Variants in SLC6A6 observed in about 807,000 individuals in gnomAD.
The protein encoded by SLC6A6 is solute carrier family 6 member 6.
A neutral mutation model predicts 68.8 loss-of-function variants in SLC6A6; 16 were observed. The ratio of observed to expected loss-of-function variants is 0.23; its 90% CI spans 0.16 to 0.35. The LOEUF is 0.35. SLC6A6 is among the 10% of genes least tolerant of loss of function. The probability of loss-of-function intolerance (pLI) is 1.00; values close to 1 mark genes in which losing one functional copy is unlikely to be tolerated. For missense variants in SLC6A6, 474 were observed against 802.8 expected, an observed-to-expected ratio of 0.59 and a Z score of 4.95; for synonymous variants, 312 against 315.4, an observed-to-expected ratio of 0.99 and a Z score of 0.12.
At chr3:14,456,406 T>C (rs1436740226) in intron 5 of SLC6A6, among the ~76,000 whole-genome samples, 3 of 152,204 alleles carry the variant, frequency 2.0e-5, no homozygotes, top group Admixed American at 2.0e-4. Context: ...ATTCATTCAC[T>C]CATTCACTCA....
intron 1 of SLC6A6, among the ~76,000 whole-genome samples, chr3:14,403,913 C>T (rs941234801): frequency 2.0e-5 from 3 of 152,234 alleles, no homozygotes; most frequent in Admixed American, 1.3e-4. Context: ...GTAGGGCCAC[C>T]GGCCTGGCTA....
chr3:14,467,031 G>T (rs1169398476), intron 7 of SLC6A6, among the ~76,000 whole-genome samples: 4 of 152,206 alleles, frequency 2.6e-5, no homozygotes, highest in Non-Finnish European at 5.9e-5. Context: ...TCGGGGCCTG[G>T]AGAGCTGCGG....
chr3:14,425,613 AT>A (rs1699577778), intron 2 of SLC6A6, among the ~76,000 whole-genome samples: 1 of 145,420 alleles, frequency 6.9e-6, no homozygotes, highest in Admixed American at 7.0e-5. Context: ...CAGGCTGTAC[AT>A]GGGAGAATAA....
chr3:14,455,671 CCT>C (rs529766144), intron 5 of SLC6A6, among the ~76,000 whole-genome samples: 243 of 152,334 alleles, frequency 1.6e-3, no homozygotes, highest in African/African-American at 5.5e-3. Flanking sequence ...TGCTCTTCCT[CCT>C]CTCCTGGTGC....
At position 14,463,860 on chromosome 3, in the gene SLC6A6, G is replaced by A. The variant is rs114809155; in HGVS notation, c.733-2656G>A. Among the ~76,000 whole-genome samples the A allele has an allele frequency of 8.2e-3, 1,251 of 152,302 alleles. 6 individuals are homozygous for A. The highest frequency in any genetic ancestry group is 0.044 in the Middle Eastern group (13 of 294). ...CAGTAGGGCCCAGCCTGTCAGTGTC[G>A]GAGAGCCATCCTGACAGTGCCGGCC... On this transcript the variant is annotated intron_variant, in intron 6 of 14. Coordinates refer to ENST00000622186, the MANE Select transcript of SLC6A6 (RefSeq NM_003043.6).
At chr3:14,458,828 G>T (rs1410144699) in intron 6 of SLC6A6, among the ~76,000 whole-genome samples, 1 of 152,256 alleles carries the variant, frequency 6.6e-6, no homozygotes, top group African/African-American at 2.4e-5. Context: ...ATTCATAACT[G>T]GAGTGTTTGC....
Position 14,472,417 on chromosome 3 carries a change from C to A in SLC6A6, c.1209+100C>A, listed in dbSNP as rs2289127. 3 of 736,342 alleles carry A rather than the reference C, an allele frequency of 4.1e-6. No homozygotes were observed. In the Admixed American group the frequency reaches 6.1e-5, roughly 15 times the overall value. 45.6% of individuals were successfully genotyped at this position (736,342 alleles called of 1,614,324 possible). Reference sequence around the variant, plus strand: ...CTGGGAGGTGGTCAACCCCCTTCCCCCCTCCAGTCAGACTTCCAGTGCTTC... The same window carrying A: ...CTGGGAGGTGGTCAACCCCCTTCCCACCTCCAGTCAGACTTCCAGTGCTTC... On this transcript the variant is annotated intron_variant, in intron 10 of 14. Transcript: ENST00000622186. The surrounding 1 kb of genome is among the most constrained non-coding windows in gnomAD (Gnocchi z 4.5).
chr3:14,478,137 C>T (rs1375171474), intron 11 of SLC6A6, among the ~76,000 whole-genome samples: 1 of 152,142 alleles, frequency 6.6e-6, no homozygotes, highest in Admixed American at 6.5e-5. Context: ...GAACCCCCAC[C>T]CCAGAAGTCA....
In SLC6A6 at chr3:14,443,750, C is replaced by T. The variant is rs571621473; in HGVS notation, c.116C>T (p.Pro39Leu). 47 of 1,613,988 alleles carry T rather than the reference C, an allele frequency of 2.9e-5. No individual in the cohort carries two copies. Among genetic ancestry groups the T allele is most frequent in the Middle Eastern group, 1.6e-4 (1 of 6,062 alleles). The change falls in exon 3 of 15, where the codon CCG becomes CTG. Residue 39 changes from proline (P) to leucine (L), a missense_variant. By Grantham distance (98) the Pro-to-Leu change is moderately conservative (BLOSUM62 -3). Coordinates refer to ENST00000622186, the MANE Select transcript of SLC6A6 (RefSeq NM_003043.6). Reference sequence around the variant, plus strand: ...GAGGACGAGGCTGAGGGAAAACCTCCGCAGAGGGAGAAGTGGTCTAGCAAG... The same window carrying T: ...GAGGACGAGGCTGAGGGAAAACCTCTGCAGAGGGAGAAGTGGTCTAGCAAG... ...RPEDEAEGKP[P>L]QREKWSSKID...
chr3:14,484,825 C>A, intron 14 of SLC6A6, 42 bp from the exon 15 acceptor site: 1 of 1,600,996 alleles, frequency 6.2e-7, no homozygotes, highest in South Asian at 1.1e-5. Flanking sequence ...GGAGACCAGG[C>A]CGCCTGACGT....
At chr3:14,423,542 A>G (rs1699528377) in intron 2 of SLC6A6, among the ~76,000 whole-genome samples, 1 of 152,138 alleles carries the variant, frequency 6.6e-6, no homozygotes, top group Admixed American at 6.5e-5. Flanking sequence ...CCTGAGGCTC[A>G]GAGAAGTACA....
intron 1 of SLC6A6, among the ~76,000 whole-genome samples, chr3:14,406,308 C>T (rs780422274): frequency 3.3e-5 from 5 of 152,094 alleles, no homozygotes; most frequent in Non-Finnish European, 7.4e-5. Flanking sequence ...CCGTGCCAGC[C>T]GGAGGGCCTT....
chr3:14,412,088 C>T (rs1465639727), intron 1 of SLC6A6, among the ~76,000 whole-genome samples: 1 of 152,198 alleles, frequency 6.6e-6, no homozygotes, highest in Non-Finnish European at 1.5e-5. Context: ...GAAATACCTT[C>T]TGAATAAAGG....
At chr3:14,408,097 T>A (rs2124892830) in intron 1 of SLC6A6, among the ~76,000 whole-genome samples, 1 of 152,294 alleles carries the variant, frequency 6.6e-6, no homozygotes, top group East Asian at 1.9e-4. Context: ...TCTGTACAAG[T>A]GTTTTTGTGG....
At chr3:14,466,416 G>A in intron 6 of SLC6A6, 100 bp from the exon 7 acceptor site, 1 of 1,372,040 alleles carries the variant, frequency 7.3e-7, no homozygotes, top group South Asian at 1.4e-5. Flanking sequence ...CAGAACTCCT[G>A]ATCCTGACCA....
rs1700904476 is a variant in SLC6A6 at position 14,477,427 on chromosome 3, G to A, written c.1347+85G>A. The A allele has an allele frequency of 7.4e-7, 1 of 1,344,798 alleles. No individual in the cohort carries two copies. The highest frequency in any genetic ancestry group is 1.8e-5 in the Admixed American group (1 of 57,116). 83.3% of individuals were successfully genotyped at this position (1,344,798 alleles called of 1,614,324 possible). Reference sequence around the variant, plus strand: ...TAGTGGAGGCAGCAGCTGGGTGAGAGGGCCAGGTAGGGGCTTCATCTCCCA... The same window carrying A: ...TAGTGGAGGCAGCAGCTGGGTGAGAAGGCCAGGTAGGGGCTTCATCTCCCA... On this transcript the variant is annotated intron_variant, in intron 11 of 14. Transcript: ENST00000622186. This position sits in a 1 kb window ranked among gnomAD's most constrained non-coding sequence, Gnocchi z 4.2.
Position 14,488,123 on chromosome 3 carries a change from G to A in SLC6A6, c.*3116G>A, listed in dbSNP as rs560617119. On this transcript the variant is annotated 3_prime_UTR_variant, in exon 15 of 15. Coordinates refer to ENST00000622186, the MANE Select transcript of SLC6A6 (RefSeq NM_003043.6). ...CCTGTTTGTGAAAGAGGGAACTGAG[G>A]TGCAGAGAAGCCAGAGGTGTGCCAG... 5 of 152,936 alleles carry A rather than the reference G, an allele frequency of 3.3e-5. No homozygotes were observed. The East Asian group carries it at 5.8e-4, about 18-fold the overall frequency. 9.5% of individuals were successfully genotyped at this position (152,936 alleles called of 1,614,324 possible).
intron 10 of SLC6A6, among the ~76,000 whole-genome samples, chr3:14,475,237 G>C (rs1421328897): frequency 6.7e-6 from 1 of 148,840 alleles, no homozygotes; most frequent in African/African-American, 2.5e-5. Flanking sequence ...TTGTCATGTT[G>C]GCCAGGCTGG....
rs1231591394 is a variant in SLC6A6 at position 14,468,778 on chromosome 3, C to A, written c.1096+566C>A. Among the ~76,000 whole-genome samples the A allele has an allele frequency of 1.3e-5, 2 of 152,134 alleles. No individual in the cohort carries two copies. Among genetic ancestry groups the A allele is most frequent in the Non-Finnish European group, 2.9e-5 (2 of 68,026 alleles). On this transcript the variant is annotated intron_variant, in intron 9 of 14. Coordinates refer to ENST00000622186, the MANE Select transcript of SLC6A6 (RefSeq NM_003043.6). The surrounding 1 kb of genome is among the most constrained non-coding windows in gnomAD (Gnocchi z 4.5). The stretch of plus-strand genomic sequence containing the variant: ...ACGACCTACTGGGACGGTGGCAGAT[C>A]CAACTGGGGGTGGGTTGTAAGCACA...
Sources: gnomAD v4.1 joint callset for allele counts (sites outside exome capture counted in the v4.1 genomes callset) on GRCh38, gnomAD v4.1.1 for gene constraint, Gnocchi (gnomAD v3.1) non-coding constraint, MANE v1.5 for transcripts, NCBI Gene and HGNC (gene_info 2026-07-23, HGNC 2026-07-21) for gene names.